Variants in UROC1 observed in about 807,000 individuals in gnomAD.
The protein encoded by UROC1 is urocanate hydratase.
UROC1 carries 79 observed loss-of-function variants against 89.5 expected under a neutral mutation model. The observed-to-expected ratio is 0.88, with a 90% CI of 0.74 to 1.06. UROC1 has a LOEUF of 1.06. Ranked by LOEUF, UROC1 falls within the 50% of genes least tolerant of loss-of-function variation. UROC1 has a pLI of 0.00. For missense variants in UROC1, 885 were observed against 907.8 expected, an observed-to-expected ratio of 0.97 and a Z score of 0.32; for synonymous variants, 361 against 354.8, an observed-to-expected ratio of 1.02 and a Z score of -0.20.
At chr3:126,500,895 T>C (rs776189262) in intron 10 of UROC1, 21 bp from the exon 11 acceptor site, 14 of 1,612,444 alleles carry the variant, frequency 8.7e-6, no homozygotes, top group Admixed American at 8.3e-5. Context: ...CATGCGGTGG[T>C]CAGTGCAAGC....
chr3:126,506,210 C>T (rs1401423555), intron 6 of UROC1, among the ~76,000 whole-genome samples, 199 bp from the exon 7 acceptor site: 1 of 152,254 alleles, frequency 6.6e-6, no homozygotes, highest in African/African-American at 2.4e-5. Flanking sequence ...GCCTTCCAGA[C>T]ATTTTACAAG....
intron 18 of UROC1, 99 bp from the exon 19 acceptor site, chr3:126,483,567 T>C: frequency 8.4e-7 from 1 of 1,187,060 alleles, no homozygotes; most frequent in South Asian, 1.4e-5. Context: ...TGAGACGGCG[T>C]CAGGGTTGGG....
At chr3:126,504,921 G>A (rs1230743608) in intron 8 of UROC1, among the ~76,000 whole-genome samples, 1 of 152,148 alleles carries the variant, frequency 6.6e-6, no homozygotes, top group African/African-American at 2.4e-5. Flanking sequence ...GGGCCTGATG[G>A]GGGGTGTTTG....
chr3:126,505,766 C>T lies in UROC1; in HGVS notation c.748G>A (p.Gly250Ser), dbSNP rs760879046. 2.1e-5 allele frequency: 34 copies of T among 1,613,822 alleles called. No individual in the cohort carries two copies. The highest frequency in any genetic ancestry group is 1.6e-4 in the Middle Eastern group (1 of 6,084). The change falls in exon 8 of 20, where the codon GGC becomes AGC. Residue 250 changes from glycine to serine, a missense_variant. Physicochemically the swap from Gly to Ser is moderately conservative, Grantham distance 56. Transcript: ENST00000290868. ...AGKVFVTSGL[G>S]GMSGAQAKAA... ...TTGGCCTGAGCCCCACTCATTCCGC[C>T]GAGCCCAGAGGTGACAAAGACCTTC... is the stretch of plus-strand genomic sequence containing the variant.
At chr3:126,493,670 A>G (rs1167377951) in intron 15 of UROC1, among the ~76,000 whole-genome samples, 1 of 152,240 alleles carries the variant, frequency 6.6e-6, no homozygotes, top group Non-Finnish European at 1.5e-5. Flanking sequence ...ATGGCTGCAC[A>G]GCAGTATGAA....
chr3:126,495,095 A>C (rs1328092858), intron 15 of UROC1, among the ~76,000 whole-genome samples: 2 of 152,210 alleles, frequency 1.3e-5, no homozygotes, highest in Non-Finnish European at 2.9e-5. Context: ...TTTCCTCTGC[A>C]GGGCTGCCTC....
chr3:126,502,779 ATGTGTGCATG>A (rs1935964689), intron 9 of UROC1, among the ~76,000 whole-genome samples: 1 of 143,212 alleles, frequency 7.0e-6, no homozygotes. Flanking sequence ...GTGTGCAAGT[ATGTGTGCATG>A]TGTGTGCTGT....
intron 9 of UROC1, chr3:126,501,926 G>T (rs1386555631): frequency 2.5e-6 from 4 of 1,597,234 alleles, no homozygotes; most frequent in Non-Finnish European, 3.4e-6. Context: ...CCCAGGGCTT[G>T]TTGCAATCCC....
chr3:126,504,901 G>T (rs1374770423), intron 8 of UROC1, among the ~76,000 whole-genome samples: 2 of 152,216 alleles, frequency 1.3e-5, no homozygotes, highest in African/African-American at 4.8e-5. Context: ...GATCCCTGGT[G>T]TTGGAAGTGG....
In UROC1 at chr3:126,482,275, G is replaced by A. The variant is rs946458007; in HGVS notation, c.*70C>T. 4 of 1,598,872 alleles carry A rather than the reference G, an allele frequency of 2.5e-6. No individual in the cohort carries two copies. The highest frequency in any genetic ancestry group is 1.7e-5 in the Admixed American group (1 of 59,680). On this transcript the variant is annotated 3_prime_UTR_variant, in exon 20 of 20. Coordinates refer to ENST00000290868, the MANE Select transcript of UROC1 (RefSeq NM_144639.3). ...GGTAGTGCGGGTGTGCAGGAAGGGT[G>A]TGTGCCATGGCTGGGCAGGTGAGGA...
chr3:126,517,043 A>G (rs929261661), intron 1 of UROC1, among the ~76,000 whole-genome samples: 2 of 152,028 alleles, frequency 1.3e-5, no homozygotes, highest in Non-Finnish European at 2.9e-5. Flanking sequence ...AAATGACAAA[A>G]GGGAGGTTCC....
At chr3:126,493,170 T>C (rs753829979) in intron 15 of UROC1, among the ~76,000 whole-genome samples, 6 of 152,134 alleles carry the variant, frequency 3.9e-5, no homozygotes, top group Non-Finnish European at 7.4e-5. Flanking sequence ...TGAGTCACTG[T>C]GTAGCCCCGC....
At chr3:126,504,489 C>T (rs2107545949) in intron 8 of UROC1, among the ~76,000 whole-genome samples, 1 of 152,328 alleles carries the variant, frequency 6.6e-6, no homozygotes, top group Non-Finnish European at 1.5e-5. Flanking sequence ...CTCACCTCTT[C>T]CTGCCTTGAA....
At chr3:126,488,598 G>A (rs1935570834) in intron 17 of UROC1, among the ~76,000 whole-genome samples, 1 of 152,232 alleles carries the variant, frequency 6.6e-6, no homozygotes, top group Non-Finnish European at 1.5e-5. Context: ...GAGAAGTAGA[G>A]TGCCAAAGAG....
chr3:126,502,706 A>G (rs1281101816), intron 9 of UROC1, among the ~76,000 whole-genome samples: 1 of 143,554 alleles, frequency 7.0e-6, no homozygotes, highest in Non-Finnish European at 1.5e-5. Flanking sequence ...GTGTGTGTCT[A>G]TGTATGTGTT....
At position 126,485,600 on chromosome 3, in the gene UROC1, T is replaced by TA. The variant is rs1478812843; in HGVS notation, c.1791-2133_1791-2132insT. 1.1e-3 allele frequency among the ~76,000 whole-genome samples: 156 copies of TA among 143,600 alleles called. 1 individual carries two copies. In the South Asian group the frequency reaches 0.022, roughly 21 times the overall value. The allele number at this position is 143,600 out of a possible 152,430, so 94.2% of individuals were successfully genotyped here. On this transcript the variant is annotated intron_variant, in intron 18 of 19. Transcript: ENST00000290868. ...TCTTTGTTCCCCATTTATTTATTTATTTTTTTTTGGTAGAGAGGGTGTCTC... is the reference window on the plus strand; with the variant it reads ...TCTTTGTTCCCCATTTATTTATTTATATTTTTTTTGGTAGAGAGGGTGTCTC...
intron 1 of UROC1, among the ~76,000 whole-genome samples, chr3:126,513,277 A>G (rs891956658): frequency 6.6e-6 from 1 of 152,220 alleles, no homozygotes; most frequent in South Asian, 2.1e-4. Context: ...TATTTCTGCC[A>G]GAAACCATGG....
intron 6 of UROC1, among the ~76,000 whole-genome samples, 164 bp from the exon 7 acceptor site, chr3:126,506,175 G>A (rs975125551): frequency 8.5e-5 from 13 of 152,332 alleles, no homozygotes; most frequent in Non-Finnish European, 1.5e-4. Context: ...ACACAAGAAG[G>A]CTATGGACAC....
At position 126,505,703 on chromosome 3, in the gene UROC1, C is replaced by CTGCTATCA; in HGVS notation, c.803_810dup (p.Glu271Ter). On this transcript the variant is annotated stop_gained and frameshift_variant, in exon 8 of 20. Transcript: ENST00000290868. LOFTEE classifies it high-confidence loss of function. ...AGGCCAGGAGCCCCCCAGCTTACCT[C>CTGCTATCA]TGCTATCACACCGATGCACCCCACG... is the stretch of plus-strand genomic sequence containing the variant. 2 of 1,613,694 alleles carry CTGCTATCA rather than the reference C, an allele frequency of 1.2e-6. No individual in the cohort carries two copies. The highest frequency in any genetic ancestry group is 1.7e-6 in the Non-Finnish European group (2 of 1,179,962).
Sources: allele counts gnomAD v4.1 joint callset (sites outside exome capture counted in the v4.1 genomes callset), GRCh38; gene constraint gnomAD v4.1.1; transcripts MANE v1.5; gene names NCBI Gene and HGNC (gene_info 2026-07-23, HGNC 2026-07-21).